Variants in FMN1 observed in about 807,000 individuals in gnomAD.
FMN1 encodes formin-1.
In FMN1, 110 loss-of-function variants were observed where a neutral mutation model predicts 132.4. The ratio of observed to expected loss-of-function variants is 0.83; its 90% CI spans 0.71 to 0.97. FMN1 has a LOEUF of 0.97. FMN1 is among the 50% of genes least tolerant of loss of function. The pLI is 0.00. For synonymous variants in FMN1, 722 were observed against 651.7 expected (o/e 1.11, Z -1.64); for missense variants, 1,792 against 1,705.3 (o/e 1.05, Z -0.90).
intron 18 of FMN1, among the ~76,000 whole-genome samples, chr15:32,799,568 G>C (rs2140983196): frequency 6.6e-6 from 1 of 152,276 alleles, no homozygotes; most frequent in South Asian, 2.1e-4. Flanking sequence ...ACAAACCACT[G>C]ATGTACAAAA....
intron 6 of FMN1, chr15:33,064,039 T>C (rs1261368082): frequency 1.3e-5 from 2 of 152,208 alleles, no homozygotes; most frequent in Non-Finnish European, 2.9e-5. Context: ...ATCTCAAGAT[T>C]CAACTGCCAG....
intron 17 of FMN1, among the ~76,000 whole-genome samples, chr15:32,855,371 A>G (rs971472305): frequency 6.6e-6 from 1 of 152,066 alleles, no homozygotes; most frequent in Non-Finnish European, 1.5e-5. Context: ...CTTCCCTGTC[A>G]TAAGATCCAG....
At chr15:32,908,211 T>A (rs191218033) in intron 12 of FMN1, 6 of 297,908 alleles carry the variant, frequency 2.0e-5, no homozygotes, top group South Asian at 1.5e-4. Context: ...TTGGTCAAAT[T>A]GTTTAGTCTA....
chr15:32,900,310 C>A (rs955676539), intron 13 of FMN1, 185 bp from the exon 14 acceptor site: 1 of 710,576 alleles, frequency 1.4e-6, no homozygotes, highest in Non-Finnish European at 2.5e-6. Context: ...ACATTAACAG[C>A]CATTATTTTC....
intron 17 of FMN1, among the ~76,000 whole-genome samples, chr15:32,833,138 C>A (rs1441248144): frequency 6.6e-6 from 1 of 152,154 alleles, no homozygotes; most frequent in African/African-American, 2.4e-5. Flanking sequence ...TTTCTAATTT[C>A]TTCTTGTCTC....
intron 3 of FMN1, among the ~76,000 whole-genome samples, chr15:33,161,693 C>G (rs112944816): frequency 0.063 from 9,601 of 152,020 alleles, 1,022 homozygotes; most frequent in African/African-American, 0.22. Flanking sequence ...CTGAGGCGGG[C>G]GGATCACAAG....
At chr15:32,890,918 G>A (rs1216344191) in intron 15 of FMN1, among the ~76,000 whole-genome samples, 1 of 152,166 alleles carries the variant, frequency 6.6e-6, no homozygotes, top group Non-Finnish European at 1.5e-5. Context: ...TTTTGTGTAA[G>A]GTGAGAGATG....
chr15:33,046,193 T>C (rs1213461637), intron 6 of FMN1, among the ~76,000 whole-genome samples: 2 of 151,996 alleles, frequency 1.3e-5, no homozygotes, highest in Non-Finnish European at 2.9e-5. Flanking sequence ...AAAAAGAAAA[T>C]TGGGATCCTT....
At chr15:32,829,479 T>C (rs2058450659) in intron 17 of FMN1, among the ~76,000 whole-genome samples, 1 of 152,114 alleles carries the variant, frequency 6.6e-6, no homozygotes, top group Non-Finnish European at 1.5e-5. Context: ...CAACTTACAT[T>C]AAAATTAATA....
At chr15:32,893,008 T>C (rs772754691) in intron 15 of FMN1, among the ~76,000 whole-genome samples, 1 of 152,220 alleles carries the variant, frequency 6.6e-6, no homozygotes, top group Non-Finnish European at 1.5e-5. Context: ...AGAGGGCTTG[T>C]AAAACATGGT....
chr15:32,819,128 C>T (rs2058137642), intron 17 of FMN1, among the ~76,000 whole-genome samples: 1 of 152,132 alleles, frequency 6.6e-6, no homozygotes, highest in African/African-American at 2.4e-5. Context: ...CCCACATGTT[C>T]AACTGAGGCT....
chr15:33,128,193 C>T (rs546247811), intron 4 of FMN1, among the ~76,000 whole-genome samples: 9 of 151,984 alleles, frequency 5.9e-5, no homozygotes, highest in Admixed American at 2.0e-4. Context: ...AAATTGCTCC[C>T]GGGAAAAAAA....
chr15:32,882,499 T>C (rs1344095465), intron 16 of FMN1, among the ~76,000 whole-genome samples: 1 of 152,178 alleles, frequency 6.6e-6, no homozygotes, highest in Non-Finnish European at 1.5e-5. Context: ...TATAGACCCT[T>C]TGTCCACTGT....
chr15:33,140,791 G>A (rs1963978694), intron 4 of FMN1, among the ~76,000 whole-genome samples: 1 of 152,124 alleles, frequency 6.6e-6, no homozygotes, highest in Non-Finnish European at 1.5e-5. Flanking sequence ...CAGAAGTAAA[G>A]GAAGGAAGCA....
rs78442528 is a variant in FMN1 at position 32,988,336 on chromosome 15, T to C, written c.2224-18859A>G. Among the ~76,000 whole-genome samples, 1,262 of 152,256 alleles carry C rather than the reference T, an allele frequency of 8.3e-3. 17 individuals carry two copies. Among genetic ancestry groups the C allele is most frequent in the African/African-American group, 0.028 (1,181 of 41,528 alleles). On this transcript the variant is annotated intron_variant, in intron 7 of 20. Coordinates refer to ENST00000616417, the MANE Select transcript of FMN1 (RefSeq NM_001277313.2). Reference sequence around the variant, plus strand: ...CTTTTAATCTTAAAAAACAATAAATTTGAAATTGAGCAAAGTATTTGAAAG... The same window carrying C: ...CTTTTAATCTTAAAAAACAATAAATCTGAAATTGAGCAAAGTATTTGAAAG...
intron 16 of FMN1, among the ~76,000 whole-genome samples, chr15:32,865,847 A>AT (rs2059379192): frequency 7.5e-6 from 1 of 132,796 alleles, no homozygotes; most frequent in Non-Finnish European, 1.7e-5. Context: ...AAAAAAAAAA[A>AT]AAAAAATAAA....
intron 5 of FMN1, among the ~76,000 whole-genome samples, chr15:33,086,096 A>G (rs1476446111): frequency 6.6e-6 from 1 of 151,852 alleles, no homozygotes; most frequent in Non-Finnish European, 1.5e-5. Context: ...CTGAAAATAC[A>G]AAAAATTAGC....
intron 6 of FMN1, among the ~76,000 whole-genome samples, chr15:33,032,991 A>G (rs2036008562): frequency 6.6e-6 from 1 of 152,168 alleles, no homozygotes; most frequent in Non-Finnish European, 1.5e-5. Context: ...ATGCAGTATT[A>G]CATATGGCTA....
intron 6 of FMN1, among the ~76,000 whole-genome samples, chr15:33,050,952 C>G (rs995439741): frequency 6.6e-6 from 1 of 152,148 alleles, no homozygotes; most frequent in Non-Finnish European, 1.5e-5. Context: ...AGCAGCTCAT[C>G]TTAGAACAGA....
Sources: allele counts gnomAD v4.1 joint callset (sites outside exome capture counted in the v4.1 genomes callset), GRCh38; gene constraint gnomAD v4.1.1; transcripts MANE v1.5; gene names NCBI Gene and HGNC (gene_info 2026-07-23, HGNC 2026-07-21).